Variants in COL4A3 observed in about 807,000 individuals in gnomAD.
COL4A3 encodes the protein collagen type IV alpha 3 chain.
Under a neutral mutation model 217.4 loss-of-function variants are expected in COL4A3, and 135 were observed. The observed-to-expected ratio is 0.62, with a 90% CI of 0.54 to 0.72. The LOEUF is 0.72. COL4A3 is among the 30% of genes least tolerant of loss of function. The probability of loss-of-function intolerance (pLI) is 0.00; values close to 1 mark genes in which losing one functional copy is unlikely to be tolerated. For synonymous variants in COL4A3, 690 were observed against 736.3 expected (o/e 0.94, Z 1.02); for missense variants, 1,868 against 2,119.9 (o/e 0.88, Z 2.33).
intron 1 of COL4A3, among the ~76,000 whole-genome samples, chr2:227,179,545 T>C (rs775997376): frequency 3.3e-5 from 5 of 152,216 alleles, no homozygotes; most frequent in Non-Finnish European, 7.3e-5. Flanking sequence ...AATGTCACAG[T>C]TGGTATTTTA....
intron 1 of COL4A3, among the ~76,000 whole-genome samples, chr2:227,205,465 A>G (rs2067065831): frequency 1.3e-5 from 2 of 152,120 alleles, no homozygotes; most frequent in Non-Finnish European, 2.9e-5. Flanking sequence ...GAGACATACA[A>G]TGCTTCTATA....
chr2:227,309,948 G>A (rs2073677851), intron 50 of COL4A3, among the ~76,000 whole-genome samples: 1 of 152,052 alleles, frequency 6.6e-6, no homozygotes, highest in South Asian at 2.1e-4. Context: ...TTTTTTATAA[G>A]ATAACTGCTT....
At position 227,312,707 on chromosome 2, in the gene COL4A3, C is replaced by T. The variant is rs943818432; in HGVS notation, c.*837C>T. 3 of 152,558 alleles carry T rather than the reference C, an allele frequency of 2.0e-5. No homozygotes were observed. Among genetic ancestry groups the T allele is most frequent in the African/African-American group, 7.2e-5 (3 of 41,414 alleles). 9.5% of individuals were successfully genotyped at this position (152,558 alleles called of 1,614,324 possible). On this transcript the variant is annotated 3_prime_UTR_variant, in exon 52 of 52. Transcript: ENST00000396578. The stretch of plus-strand genomic sequence containing the variant: ...CTTCTGTTTTACCAGCATACCCACA[C>T]AAATAACAAGAATACTACTTATGAA...
At position 227,191,264 on chromosome 2, in the gene COL4A3, G is replaced by A. The variant is rs185930517; in HGVS notation, c.87+26451G>A. Among the ~76,000 whole-genome samples the A allele has an allele frequency of 4.6e-5, 7 of 151,940 alleles. No individual in the cohort carries two copies. The highest frequency in any genetic ancestry group is 2.1e-4 in the South Asian group (1 of 4,812). The stretch of plus-strand genomic sequence containing the variant: ...TGCTTGATTTGGAAGTACATTCCTC[G>A]TACACATTCCCAGAAATGGATTTTT... On this transcript the variant is annotated intron_variant, in intron 1 of 51. Transcript: ENST00000396578. This position sits in a 1 kb window ranked among gnomAD's most constrained non-coding sequence, Gnocchi z 6.8.
intron 28 of COL4A3, among the ~76,000 whole-genome samples, chr2:227,278,493 T>C (rs1367386364): frequency 6.6e-6 from 1 of 152,224 alleles, no homozygotes; most frequent in Non-Finnish European, 1.5e-5. Context: ...GTGTTTATTA[T>C]ACATTAATTT....
intron 1 of COL4A3, among the ~76,000 whole-genome samples, chr2:227,165,666 T>G (rs944490039): frequency 2.0e-5 from 3 of 152,208 alleles, no homozygotes; most frequent in African/African-American, 7.2e-5. Context: ...GAAATTTCAT[T>G]TCCAAGGATG....
At chr2:227,214,599 CTAT>C (rs2067456874) in intron 1 of COL4A3, among the ~76,000 whole-genome samples, 2 of 152,312 alleles carry the variant, frequency 1.3e-5, no homozygotes, top group African/African-American at 4.8e-5. Flanking sequence ...AGGCCAGAGC[CTAT>C]TAAAACACTT....
Position 227,195,667 on chromosome 2 carries a change from A to ATGTGTG in COL4A3, c.87+30878_87+30883dup, listed in dbSNP as rs34242264. Among the ~76,000 whole-genome samples the ATGTGTG allele has an allele frequency of 2.2e-3, 303 of 139,930 alleles. 1 individual carries two copies. Among genetic ancestry groups the ATGTGTG allele is most frequent in the South Asian group, 5.4e-3 (23 of 4,248 alleles). 91.8% of individuals were successfully genotyped at this position (139,930 alleles called of 152,430 possible). A position where few individuals can be genotyped will look rare whatever the true frequency, so the allele number is the denominator to read the frequency against. On this transcript the variant is annotated intron_variant, in intron 1 of 51. Coordinates refer to ENST00000396578, the MANE Select transcript of COL4A3 (RefSeq NM_000091.5). ...GAGTCTATGCCACATATATATATATATGTGTGTGTGTGTGTGTGTGTGTGT... is the reference window on the plus strand; with the variant it reads ...GAGTCTATGCCACATATATATATATATGTGTGTGTGTGTGTGTGTGTGTGTGTGTGT...
chr2:227,203,409 ATATATGTGTATACATACATATATGTGTG>A lies in COL4A3; in HGVS notation c.88-34525_88-34498del, dbSNP rs1553739400. Among the ~76,000 whole-genome samples, 2 of 53,474 alleles carry A rather than the reference ATATATGTGTATACATACATATATGTGTG, an allele frequency of 3.7e-5. 1 individual carries two copies. The highest frequency in any genetic ancestry group is 7.4e-5 in the Non-Finnish European group (2 of 27,080). The allele number at this position is 53,474 out of a possible 152,430, so 35.1% of individuals were successfully genotyped here. A position where few individuals can be genotyped will look rare whatever the true frequency, so the allele number is the denominator to read the frequency against. On this transcript the variant is annotated intron_variant, in intron 1 of 51. Coordinates refer to ENST00000396578, the MANE Select transcript of COL4A3 (RefSeq NM_000091.5). ...TATGTGTATATATGTGTATACATAC[ATATATGTGTATACATACATATATGTGTG>A]TATATGTGTATACATACATATATGT...
intron 1 of COL4A3, among the ~76,000 whole-genome samples, chr2:227,219,541 CTCAG>C (rs1351422368): frequency 6.6e-6 from 1 of 152,144 alleles, no homozygotes; most frequent in Non-Finnish European, 1.5e-5. Flanking sequence ...AGAAGAAAAA[CTCAG>C]TCAATCATCA....
intron 51 of COL4A3, 142 bp from the exon 52 acceptor site, chr2:227,311,644 C>T: frequency 1.4e-6 from 1 of 710,988 alleles, no homozygotes; most frequent in Non-Finnish European, 2.3e-6. Flanking sequence ...TCCCAAATTG[C>T]TGGGATTACA....
chr2:227,295,308 G>C lies in COL4A3; in HGVS notation c.3557G>C (p.Gly1186Ala). The change falls in exon 41 of 52, where the codon GGT (glycine) becomes GCT (alanine). Residue 1186 changes from glycine to alanine, a missense_variant. By Grantham distance (60) the Gly-to-Ala change is moderately conservative (BLOSUM62 0). Around this residue, in one of 2 missense-constraint regions of COL4A3, gnomAD observed 1,503 missense variants for 1,786.1 expected, o/e 0.84. Transcript: ENST00000396578. ...CCTCCAGGCCCAAGAGGGAACCCTGGTGCTCAAGGTAAGCAGTTCTTCTTC... is the reference window on the plus strand; with the variant it reads ...CCTCCAGGCCCAAGAGGGAACCCTGCTGCTCAAGGTAAGCAGTTCTTCTTC... Reference protein sequence around the residue: ...RAPPGPRGNPGAQGAKGDRGA... With the variant: ...RAPPGPRGNPAAQGAKGDRGA... 1 of 1,614,068 alleles carries C rather than the reference G, an allele frequency of 6.2e-7. No individual in the cohort carries two copies. The highest frequency in any genetic ancestry group is 8.5e-7 in the Non-Finnish European group (1 of 1,179,938).
At chr2:227,172,747 C>T (rs756831336) in intron 1 of COL4A3, among the ~76,000 whole-genome samples, 4 of 151,908 alleles carry the variant, frequency 2.6e-5, no homozygotes, top group Admixed American at 6.6e-5. Flanking sequence ...CCACCACACC[C>T]GGCTAATTTT....
At position 227,313,827 on chromosome 2, in the gene COL4A3, G is replaced by C. The variant is rs1160870691; in HGVS notation, c.*1957G>C. The stretch of plus-strand genomic sequence containing the variant: ...GCTAGCTAATCTCTACAAACCCTCT[G>C]TAGGCCAGTAGTTCTCAAAGTGTGG... On this transcript the variant is annotated 3_prime_UTR_variant, in exon 52 of 52. Transcript: ENST00000396578. 1 of 152,166 alleles carries C rather than the reference G, an allele frequency of 6.6e-6. No homozygotes were observed. Among genetic ancestry groups the C allele is most frequent in the East Asian group, 1.9e-4 (1 of 5,190 alleles). The allele number at this position is 152,166 out of a possible 1,614,324, so 9.4% of individuals were successfully genotyped here.
chr2:227,283,918 G>A, intron 33 of COL4A3, 62 bp downstream of exon 33: 2 of 1,434,268 alleles, frequency 1.4e-6, no homozygotes, highest in Non-Finnish European at 2.0e-6. Context: ...TTATTTTGCA[G>A]CAAAAAAAGT....
At chr2:227,267,460 T>C (rs968883924) in intron 23 of COL4A3, among the ~76,000 whole-genome samples, 15 of 152,314 alleles carry the variant, frequency 9.8e-5, no homozygotes, top group African/African-American at 3.6e-4. Context: ...ACAACCCTAC[T>C]CAGTCCATTT....
At chr2:227,202,177 G>C (rs2066711237) in intron 1 of COL4A3, among the ~76,000 whole-genome samples, 1 of 152,150 alleles carries the variant, frequency 6.6e-6, no homozygotes, top group Non-Finnish European at 1.5e-5. Context: ...TAACATTGTA[G>C]GGTGTCAATA....
At chr2:227,213,128 G>T (rs562488836) in intron 1 of COL4A3, among the ~76,000 whole-genome samples, 13 of 152,282 alleles carry the variant, frequency 8.5e-5, no homozygotes, top group Non-Finnish European at 1.9e-4. Flanking sequence ...AGGTCACAGT[G>T]CTATTTTAGG....
chr2:227,254,534 T>C, intron 14 of COL4A3, 122 bp from the exon 15 acceptor site: 1 of 814,316 alleles, frequency 1.2e-6, no homozygotes. Flanking sequence ...CTCTCTTAGA[T>C]GGCTCAGCAC....
Sources: allele counts gnomAD v4.1 joint callset (sites outside exome capture counted in the v4.1 genomes callset), GRCh38; gene constraint gnomAD v4.1.1; regional missense constraint gnomAD v4.1.1; non-coding constraint Gnocchi (gnomAD v3.1); transcripts MANE v1.5; gene names NCBI Gene and HGNC (gene_info 2026-07-23, HGNC 2026-07-21).